The following THSD7A variants were observed in gnomAD, a reference collection of about 807,000 sequenced individuals.
THSD7A encodes thrombospondin type 1 domain containing 7A.
A neutral mutation model predicts 231.3 loss-of-function variants in THSD7A; 96 were observed. The ratio of observed to expected loss-of-function variants is 0.41; its 90% CI spans 0.35 to 0.49. THSD7A has a LOEUF of 0.49. Among genes scored for constraint, THSD7A ranks in the 20% least tolerant of loss-of-function variants. The pLI is 0.05. For synonymous variants in THSD7A, 940 were observed against 743.3 expected (o/e 1.26, Z -4.30); for missense variants, 2,290 against 2,070.2 (o/e 1.11, Z -2.06).
At position 11,432,862 on chromosome 7, in the gene THSD7A, ATAT is replaced by A. The variant is rs550767557; in HGVS notation, c.3065-3740_3065-3738del. Among the ~76,000 whole-genome samples the A allele has an allele frequency of 4.5e-3, 689 of 152,142 alleles. 2 individuals carry two copies. Among genetic ancestry groups the A allele is most frequent in the Non-Finnish European group, 7.8e-3 (532 of 67,940 alleles). On this transcript the variant is annotated intron_variant, in intron 13 of 27. Coordinates refer to ENST00000423059, the MANE Select transcript of THSD7A (RefSeq NM_015204.3). ...CAAATGGATAAATTGGATGGTATGT[ATAT>A]TATATTATCCATTGTAAATGAAGTA...
Position 11,497,730 on chromosome 7 carries a change from G to A in THSD7A, c.1823-15748C>T, listed in dbSNP as rs1308015600. Among the ~76,000 whole-genome samples the A allele has an allele frequency of 4.6e-5, 7 of 152,246 alleles. No homozygotes were observed. In the South Asian group the frequency reaches 8.3e-4, roughly 18 times the overall value. ...GGCTCTCAGGGAGAGGAACAGAAGG[G>A]CAAGTAAATATAACACCTTGCACTG... On this transcript the variant is annotated intron_variant, in intron 6 of 27. Transcript: ENST00000423059.
At chr7:11,647,466 G>T (rs370922659) in intron 1 of THSD7A, among the ~76,000 whole-genome samples, 4 of 152,020 alleles carry the variant, frequency 2.6e-5, no homozygotes, top group African/African-American at 9.6e-5. Context: ...GTTATTTTTC[G>T]ACTTAAGCCT....
intron 2 of THSD7A, among the ~76,000 whole-genome samples, chr7:11,602,758 A>G (rs1254254450): frequency 6.6e-6 from 1 of 151,846 alleles, no homozygotes; most frequent in African/African-American, 2.4e-5. Context: ...CATGTGGCAC[A>G]AAAAGAAGAT....
At chr7:11,746,914 T>A (rs182968576) in intron 1 of THSD7A, among the ~76,000 whole-genome samples, 1 of 151,864 alleles carries the variant, frequency 6.6e-6, no homozygotes, top group East Asian at 2.0e-4. Flanking sequence ...TTTTGAAAGA[T>A]AATATTGACA....
intron 23 of THSD7A, among the ~76,000 whole-genome samples, chr7:11,395,555 T>A (rs1431762392): frequency 6.7e-6 from 1 of 149,828 alleles, no homozygotes; most frequent in Non-Finnish European, 1.5e-5. Context: ...TGAGACAGAA[T>A]CTTGCTCTGT....
chr7:11,666,640 A>G (rs1436073533), intron 1 of THSD7A, among the ~76,000 whole-genome samples: 2 of 151,494 alleles, frequency 1.3e-5, no homozygotes, highest in Non-Finnish European at 2.9e-5. Flanking sequence ...TCTTGATTGT[A>G]TAATATACAG....
Position 11,426,690 on chromosome 7 carries a change from G to C in THSD7A, c.3244-19C>G, listed in dbSNP as rs375641872. 2.6e-6 allele frequency: 4 copies of C among 1,559,380 alleles called. No homozygotes were observed. The African/African-American group carries it at 5.4e-5, about 21-fold the overall frequency. ...CCTGTGCCTGGAGTGGTGTTCAACA[G>C]GAATGATGAAAAGGGAGAGAAATAA... On this transcript the variant is annotated intron_variant, in intron 14 of 27. Transcript: ENST00000423059.
intron 1 of THSD7A, among the ~76,000 whole-genome samples, chr7:11,744,176 G>T (rs1396034941): frequency 6.6e-6 from 1 of 151,748 alleles, no homozygotes. Flanking sequence ...AAACTGTTCT[G>T]CTAATGACAG....
chr7:11,432,032 C>T (rs999302453), intron 13 of THSD7A, among the ~76,000 whole-genome samples: 2 of 152,024 alleles, frequency 1.3e-5, no homozygotes, highest in Non-Finnish European at 2.9e-5. Context: ...AGATTGTGCC[C>T]AAACTGTCCT....
At chr7:11,662,367 T>C (rs1782959845) in intron 1 of THSD7A, among the ~76,000 whole-genome samples, 2 of 151,392 alleles carry the variant, frequency 1.3e-5, no homozygotes, top group African/African-American at 4.8e-5. Flanking sequence ...GAATCACTTC[T>C]AAATTTGTAT....
chr7:11,418,701 G>A lies in THSD7A; in HGVS notation c.3384-1098C>T, dbSNP rs374528830. Among the ~76,000 whole-genome samples, 17 of 152,284 alleles carry A rather than the reference G, an allele frequency of 1.1e-4. No homozygotes were observed. The South Asian group carries it at 3.5e-3, about 32-fold the overall frequency. ...CAGAGTCACCTTGCTATGCAGTGCT[G>A]CTGAACTTAGGAATGTCCTTTCCCT... On this transcript the variant is annotated intron_variant, in intron 16 of 27. Transcript: ENST00000423059.
At chr7:11,780,992 C>T (rs1216562798) in intron 1 of THSD7A, among the ~76,000 whole-genome samples, 1 of 43,764 alleles carries the variant, frequency 2.3e-5, no homozygotes, top group Non-Finnish European at 4.2e-5. Flanking sequence ...AGCGAGACTC[C>T]GTCTCAAAAA....
At chr7:11,388,113 T>C (rs866138899) in intron 23 of THSD7A, among the ~76,000 whole-genome samples, 1 of 152,164 alleles carries the variant, frequency 6.6e-6, no homozygotes, top group Non-Finnish European at 1.5e-5. Flanking sequence ...CAGTATTTTG[T>C]TGAGGATTTT....
At chr7:11,501,740 A>G (rs971331622) in intron 6 of THSD7A, among the ~76,000 whole-genome samples, 4 of 152,256 alleles carry the variant, frequency 2.6e-5, no homozygotes, top group Non-Finnish European at 5.9e-5. Context: ...GCAATAGCAA[A>G]TAAACCCTAA....
At chr7:11,654,539 A>G (rs866559193) in intron 1 of THSD7A, among the ~76,000 whole-genome samples, 1 of 151,858 alleles carries the variant, frequency 6.6e-6, no homozygotes, top group South Asian at 2.1e-4. Context: ...ATTAACATCC[A>G]TTTTCTTAGT....
In THSD7A at chr7:11,484,874, ATTTTTTTTTTTTTTT is replaced by A. The variant is rs56353626; in HGVS notation, c.1823-2907_1823-2893del. Among the ~76,000 whole-genome samples, 15 of 53,810 alleles carry A rather than the reference ATTTTTTTTTTTTTTT, an allele frequency of 2.8e-4. No individual in the cohort carries two copies. The South Asian group carries it at 0.014, about 49-fold the overall frequency. The allele number at this position is 53,810 out of a possible 152,430, so 35.3% of individuals were successfully genotyped here. A position where few individuals can be genotyped will look rare whatever the true frequency, so the allele number is the denominator to read the frequency against. The stretch of plus-strand genomic sequence containing the variant: ...CTCAACCCACTGAATCACAACCTTA[ATTTTTTTTTTTTTTT>A]TTTTTTTTTTTTTTTTGTGGAGACG... On this transcript the variant is annotated intron_variant, in intron 6 of 27. Coordinates refer to ENST00000423059, the MANE Select transcript of THSD7A (RefSeq NM_015204.3).
rs867967044 is a variant in THSD7A, at chr7:11,681,168, T to C, written c.191-44207A>G. Among the ~76,000 whole-genome samples the C allele has an allele frequency of 6.7e-4, 102 of 151,808 alleles. 1 individual carries two copies. The highest frequency in any genetic ancestry group is 2.2e-3 in the African/African-American group (93 of 41,396). On this transcript the variant is annotated intron_variant, in intron 1 of 27. Coordinates refer to ENST00000423059, the MANE Select transcript of THSD7A (RefSeq NM_015204.3). Reference sequence around the variant, plus strand: ...TTGAACAATGAGAACATATGGGCACTGGGAGGGGAACATCACACACTGGGG... The same window carrying C: ...TTGAACAATGAGAACATATGGGCACCGGGAGGGGAACATCACACACTGGGG...
At chr7:11,545,108 T>G (rs1384916755) in intron 4 of THSD7A, among the ~76,000 whole-genome samples, 2 of 152,166 alleles carry the variant, frequency 1.3e-5, no homozygotes, top group Non-Finnish European at 2.9e-5. Context: ...AAGACATGTA[T>G]AGGCAGAAGA....
intron 1 of THSD7A, among the ~76,000 whole-genome samples, chr7:11,641,849 G>A (rs1296586975): frequency 2.0e-5 from 3 of 151,876 alleles, no homozygotes; most frequent in South Asian, 2.1e-4. Context: ...CTTGGGTATC[G>A]CATGTGTGTC....
Sources: gnomAD v4.1 joint callset for allele counts (sites outside exome capture counted in the v4.1 genomes callset) on GRCh38, gnomAD v4.1.1 for gene constraint, MANE v1.5 for transcripts, NCBI Gene and HGNC (gene_info 2026-07-23, HGNC 2026-07-21) for gene names.